The following PDE4D variants were observed in gnomAD, a reference collection of about 807,000 sequenced individuals.
The protein encoded by PDE4D is phosphodiesterase 4D.
In PDE4D, 24 loss-of-function variants were observed where a neutral mutation model predicts 87.4. That is an observed-to-expected ratio of 0.27 (90% confidence interval 0.20 to 0.39). The LOEUF (loss-of-function observed/expected upper bound fraction) is 0.39, where lower values mean the gene tolerates loss of function less well. Among genes scored for constraint, PDE4D ranks in the 10% least tolerant of loss-of-function variants. The pLI is 1.00. For synonymous variants in PDE4D, 384 were observed against 383.2 expected (o/e 1.00, Z -0.02); for missense variants, 714 against 1,041.0 (o/e 0.69, Z 4.32).
chr5:60,480,358 G>A (rs573006356), intron 1 of PDE4D, among the ~76,000 whole-genome samples: 10 of 152,000 alleles, frequency 6.6e-5, no homozygotes, highest in Non-Finnish European at 1.3e-4. Context: ...ATCATTCGAA[G>A]CAATTTTGAA....
At chr5:59,922,655 T>C (rs570647039) in intron 3 of PDE4D, among the ~76,000 whole-genome samples, 1 of 152,202 alleles carries the variant, frequency 6.6e-6, no homozygotes, top group South Asian at 2.1e-4. Flanking sequence ...GCAGCATTCA[T>C]CATCTGCTGA....
chr5:59,084,430 A>G (rs1483235726), intron 5 of PDE4D, among the ~76,000 whole-genome samples: 1 of 151,986 alleles, frequency 6.6e-6, no homozygotes, highest in East Asian at 1.9e-4. Flanking sequence ...TAGAGACTAT[A>G]TAAACAATAT....
chr5:59,058,471 C>A (rs1454098457), intron 5 of PDE4D, among the ~76,000 whole-genome samples: 2 of 152,192 alleles, frequency 1.3e-5, no homozygotes, highest in African/African-American at 4.8e-5. Context: ...AGAGTCCATA[C>A]ATCCTAATTG....
At chr5:60,082,390 T>A (rs1774052256) in intron 2 of PDE4D, among the ~76,000 whole-genome samples, 1 of 151,772 alleles carries the variant, frequency 6.6e-6, no homozygotes, top group Non-Finnish European at 1.5e-5. Context: ...AGCACCTTAA[T>A]CTTGGATTTC....
At chr5:59,277,119 G>C (rs1764970318) in intron 1 of PDE4D, among the ~76,000 whole-genome samples, 1 of 152,126 alleles carries the variant, frequency 6.6e-6, no homozygotes, top group Admixed American at 6.6e-5. Context: ...TTGCAGACAG[G>C]ATGTTGGAGT....
At chr5:59,751,472 C>T (rs1026458319) in intron 1 of PDE4D, among the ~76,000 whole-genome samples, 3 of 152,030 alleles carry the variant, frequency 2.0e-5, no homozygotes, top group Non-Finnish European at 4.4e-5. Flanking sequence ...GCTTAGCAAG[C>T]TTAGCATGGG....
At chr5:59,798,256 G>C (rs1381393210) in intron 1 of PDE4D, among the ~76,000 whole-genome samples, 4 of 12,814 alleles carry the variant, frequency 3.1e-4, no homozygotes, top group African/African-American at 8.1e-4. Context: ...ATAAATGCCT[G>C]TGTGTGTGTG....
rs142623255 is a variant in PDE4D at position 60,368,556 on chromosome 5, C to T, written c.-90+119386G>A. Among the ~76,000 whole-genome samples the T allele has an allele frequency of 3.3e-3, 497 of 152,238 alleles. 1 individual carries two copies. Among genetic ancestry groups the T allele is most frequent in the African/African-American group, 0.011 (458 of 41,540 alleles). The stretch of plus-strand genomic sequence containing the variant: ...TTTGCTCTAGCATTCATTCATTTTC[C>T]GTGAGGGCCAGAAGAGGGAATTATT... On this transcript the variant is annotated intron_variant, in intron 1 of 16. Transcript: ENST00000502484.
intron 1 of PDE4D, among the ~76,000 whole-genome samples, chr5:59,330,286 C>T (rs183950680): frequency 6.6e-6 from 1 of 152,094 alleles, no homozygotes; most frequent in African/African-American, 2.4e-5. Flanking sequence ...AAACCTGGTA[C>T]AGAAGTGAAA....
At chr5:59,703,358 T>G (rs1357326918) in intron 1 of PDE4D, among the ~76,000 whole-genome samples, 1 of 152,186 alleles carries the variant, frequency 6.6e-6, no homozygotes, top group Admixed American at 6.5e-5. Flanking sequence ...TTTTTATTAT[T>G]CATATCCTTG....
At chr5:59,277,079 T>A (rs1235258701) in intron 1 of PDE4D, among the ~76,000 whole-genome samples, 1 of 152,162 alleles carries the variant, frequency 6.6e-6, no homozygotes, top group Non-Finnish European at 1.5e-5. Flanking sequence ...GGTTCTCTAG[T>A]CTGACGTGAA....
intron 1 of PDE4D, among the ~76,000 whole-genome samples, chr5:60,519,405 C>A (rs187907004): frequency 1.8e-4 from 27 of 152,298 alleles, no homozygotes; most frequent in African/African-American, 6.0e-4. Context: ...TCTCTCCTTC[C>A]TAAAATGGCC....
chr5:60,315,252 T>C (rs1057182268), intron 1 of PDE4D, among the ~76,000 whole-genome samples: 2 of 152,242 alleles, frequency 1.3e-5, no homozygotes, highest in Non-Finnish European at 2.9e-5. Flanking sequence ...ATGAGCATTT[T>C]TTCATGTGTC....
At chr5:59,334,772 C>A (rs917262263) in intron 1 of PDE4D, among the ~76,000 whole-genome samples, 1 of 151,632 alleles carries the variant, frequency 6.6e-6, no homozygotes, top group Non-Finnish European at 1.5e-5. Flanking sequence ...CTCACCTCCC[C>A]ATTCCTAAAA....
At chr5:59,496,694 G>A (rs977955730) in intron 1 of PDE4D, among the ~76,000 whole-genome samples, 2 of 152,128 alleles carry the variant, frequency 1.3e-5, no homozygotes, top group East Asian at 3.9e-4. Flanking sequence ...GGAGCACTGC[G>A]CTAGCCACTG....
intron 1 of PDE4D, among the ~76,000 whole-genome samples, chr5:60,322,987 A>C (rs1756453765): frequency 6.6e-6 from 1 of 152,110 alleles, no homozygotes; most frequent in African/African-American, 2.4e-5. Flanking sequence ...TCATCCTTTC[A>C]TTTTTGTAAC....
chr5:60,514,239 A>G (rs2150258742), intron 1 of PDE4D, among the ~76,000 whole-genome samples: 1 of 152,194 alleles, frequency 6.6e-6, no homozygotes, highest in African/African-American at 2.4e-5. Flanking sequence ...TATGAAATGG[A>G]CGATTCACTG....
At chr5:60,335,382 G>A (rs1458582639) in intron 1 of PDE4D, among the ~76,000 whole-genome samples, 1 of 152,186 alleles carries the variant, frequency 6.6e-6, no homozygotes, top group Non-Finnish European at 1.5e-5. Context: ...AGACAATTAT[G>A]GGAGTTAGGA....
intron 5 of PDE4D, among the ~76,000 whole-genome samples, chr5:59,104,375 G>A (rs1771242523): frequency 6.6e-6 from 1 of 152,184 alleles, no homozygotes; most frequent in Admixed American, 6.5e-5. Context: ...GGATAACCAA[G>A]GTCCATCTTA....
Sources: allele counts gnomAD v4.1 joint callset (sites outside exome capture counted in the v4.1 genomes callset), GRCh38; gene constraint gnomAD v4.1.1; transcripts MANE v1.5; gene names NCBI Gene and HGNC (gene_info 2026-07-23, HGNC 2026-07-21).